Variants in TMEM117 observed in about 807,000 individuals in gnomAD.
TMEM117 encodes transmembrane protein 117.
Under a neutral mutation model 52.4 loss-of-function variants are expected in TMEM117, and 27 were observed. The observed-to-expected ratio is 0.51, with a 90% CI of 0.38 to 0.71. The LOEUF (loss-of-function observed/expected upper bound fraction) is 0.71, where lower values mean the gene tolerates loss of function less well. Among genes scored for constraint, TMEM117 ranks in the 30% least tolerant of loss-of-function variants. TMEM117 has a pLI of 0.00. For synonymous variants in TMEM117, 215 were observed against 206.3 expected, an observed-to-expected ratio of 1.04 and a Z score of -0.36; for missense variants, 556 against 630.5, an observed-to-expected ratio of 0.88 and a Z score of 1.26.
chr12:44,298,006 A>G (rs989397595), intron 5 of TMEM117, among the ~76,000 whole-genome samples: 2 of 152,174 alleles, frequency 1.3e-5, no homozygotes, highest in Non-Finnish European at 2.9e-5. Context: ...GAAAGTTTGC[A>G]ATTTTAATAA....
intron 2 of TMEM117, among the ~76,000 whole-genome samples, chr12:43,882,448 G>T (rs1361838370): frequency 2.9e-5 from 3 of 103,962 alleles, no homozygotes; most frequent in Admixed American, 1.4e-4. Context: ...GGACAAGAGT[G>T]AAACTTCATC....
the TMEM117 span, chr12:43,804,702 T>C: frequency 1.8e-6 from 1 of 564,022 alleles, no homozygotes. Flanking sequence ...ATCAGTATTA[T>C]AAAACTTTAC....
intron 5 of TMEM117, among the ~76,000 whole-genome samples, chr12:44,247,552 A>G (rs1343779558): frequency 1.3e-5 from 2 of 152,174 alleles, no homozygotes; most frequent in African/African-American, 4.8e-5. Context: ...ATCACTTTAA[A>G]CATTTATCCT....
At chr12:44,293,313 A>G (rs978126894) in intron 5 of TMEM117, among the ~76,000 whole-genome samples, 2 of 151,930 alleles carry the variant, frequency 1.3e-5, no homozygotes, top group African/African-American at 4.8e-5. Context: ...GTGTGTCCTT[A>G]AGACTAAAAT....
chr12:44,158,216 C>T (rs904123859), intron 4 of TMEM117, among the ~76,000 whole-genome samples: 9 of 152,112 alleles, frequency 5.9e-5, no homozygotes, highest in African/African-American at 9.7e-5. Context: ...CTCTCCTCTG[C>T]GTTATGTTTC....
chr12:43,837,055 T>G (rs1292170262), intron 1 of TMEM117, among the ~76,000 whole-genome samples: 2 of 152,126 alleles, frequency 1.3e-5, no homozygotes, highest in African/African-American at 4.8e-5. Context: ...CATTTTTTTT[T>G]GTAAAGTATT....
intron 5 of TMEM117, among the ~76,000 whole-genome samples, chr12:44,242,147 T>C (rs1950070448): frequency 6.6e-6 from 1 of 151,812 alleles, no homozygotes; most frequent in African/African-American, 2.4e-5. Flanking sequence ...TTTTTTACTT[T>C]TATTTTAGAT....
At chr12:44,375,467 T>A (rs1207339020) in intron 6 of TMEM117, among the ~76,000 whole-genome samples, 3 of 152,192 alleles carry the variant, frequency 2.0e-5, no homozygotes, top group Non-Finnish European at 4.4e-5. Flanking sequence ...TCACATATTG[T>A]CTTCTTCAAG....
At chr12:43,992,380 A>G (rs1445229565) in intron 3 of TMEM117, among the ~76,000 whole-genome samples, 7 of 151,546 alleles carry the variant, frequency 4.6e-5, no homozygotes, top group Non-Finnish European at 1.0e-4. Context: ...GTGATCTCCC[A>G]CCTCAGCCTC....
At chr12:44,314,485 A>G (rs151087146) in intron 6 of TMEM117, among the ~76,000 whole-genome samples, 61 of 149,650 alleles carry the variant, frequency 4.1e-4, no homozygotes, top group African/African-American at 1.4e-3. Context: ...ATGCTGCTGG[A>G]TTTCATTTGG....
At chr12:44,167,158 G>C (rs2138271110) in intron 4 of TMEM117, among the ~76,000 whole-genome samples, 1 of 152,184 alleles carries the variant, frequency 6.6e-6, no homozygotes, top group Non-Finnish European at 1.5e-5. Flanking sequence ...CATTCTACTT[G>C]AGCATAATTT....
chr12:44,380,450 T>C (rs1318226282), intron 7 of TMEM117, among the ~76,000 whole-genome samples: 1 of 152,150 alleles, frequency 6.6e-6, no homozygotes, highest in Non-Finnish European at 1.5e-5. Context: ...AAAAGTTGAC[T>C]CCACTTGGCC....
intron 3 of TMEM117, among the ~76,000 whole-genome samples, chr12:44,106,564 G>C (rs1947957390): frequency 6.6e-6 from 1 of 151,820 alleles, no homozygotes. Context: ...GAGATCTATT[G>C]CACAGCATAG....
At chr12:44,330,188 C>G (rs1023013434) in intron 6 of TMEM117, among the ~76,000 whole-genome samples, 1 of 152,018 alleles carries the variant, frequency 6.6e-6, no homozygotes, top group African/African-American at 2.4e-5. Flanking sequence ...TTGTAGCCAT[C>G]TTACTGAATG....
At chr12:44,108,305 C>T (rs1947998814) in intron 3 of TMEM117, among the ~76,000 whole-genome samples, 1 of 140,336 alleles carries the variant, frequency 7.1e-6, no homozygotes, top group Non-Finnish European at 1.5e-5. Flanking sequence ...GCTGCACCCA[C>T]TAATGTGTCA....
At chr12:43,943,654 G>A (rs1945081694) in intron 2 of TMEM117, among the ~76,000 whole-genome samples, 1 of 152,144 alleles carries the variant, frequency 6.6e-6, no homozygotes, top group African/African-American at 2.4e-5. Context: ...GTTTGTACTT[G>A]TACAGGGGCA....
rs185525160 is a variant in TMEM117 at position 44,238,490 on chromosome 12, A to G, written c.608+27103A>G. Reference sequence around the variant, plus strand: ...GAAAAAACTCAACCTACCTGGGCACAGTGATGTGTGCCTGTAGTCCCAGCT... The same window carrying G: ...GAAAAAACTCAACCTACCTGGGCACGGTGATGTGTGCCTGTAGTCCCAGCT... On this transcript the variant is annotated intron_variant, in intron 5 of 7. Coordinates refer to ENST00000266534, the MANE Select transcript of TMEM117 (RefSeq NM_032256.3). Among the ~76,000 whole-genome samples, 220 of 152,132 alleles carry G rather than the reference A, an allele frequency of 1.4e-3. 2 individuals carry two copies. The highest frequency in any genetic ancestry group is 5.0e-3 in the African/African-American group (207 of 41,520).
At chr12:44,276,242 TTAAG>T (rs1950509739) in intron 5 of TMEM117, among the ~76,000 whole-genome samples, 1 of 152,148 alleles carries the variant, frequency 6.6e-6, no homozygotes, top group Non-Finnish European at 1.5e-5. Context: ...TGGAATCAAC[TTAAG>T]TATCCATCAG....
chr12:44,290,056 T>A (rs932235049), intron 5 of TMEM117, among the ~76,000 whole-genome samples: 1 of 152,202 alleles, frequency 6.6e-6, no homozygotes, highest in Non-Finnish European at 1.5e-5. Flanking sequence ...AACCAGGTTA[T>A]TTCATTTTTT....
Sources: gnomAD v4.1 joint callset for allele counts (sites outside exome capture counted in the v4.1 genomes callset) on GRCh38, gnomAD v4.1.1 for gene constraint, MANE v1.5 for transcripts, NCBI Gene and HGNC (gene_info 2026-07-23, HGNC 2026-07-21) for gene names.